IL13RA2: variants seen among roughly 807,000 people sequenced by gnomAD.
The protein encoded by IL13RA2 is interleukin 13 receptor subunit alpha 2.
A neutral mutation model predicts 34.1 loss-of-function variants in IL13RA2; 25 were observed. The ratio of observed to expected loss-of-function variants is 0.73; its 90% confidence interval spans 0.53 to 1.03. The LOEUF (loss-of-function observed/expected upper bound fraction) is 1.03. IL13RA2 is among the 50% of genes least tolerant of loss of function. The pLI, the probability that IL13RA2 is intolerant of heterozygous loss-of-function variation, is 0.00. For synonymous variants in IL13RA2, 106 were observed against 100.4 expected (o/e 1.06, Z -0.33); for missense variants, 297 against 280.9 (o/e 1.06, Z -0.41).
rs1220653558 is a variant in IL13RA2 at position 115,004,800 on chromosome X, C to T, written c.1116+397G>A. On this transcript the variant is annotated intron_variant, in intron 9 of 9. Coordinates refer to ENST00000243213, the MANE Select transcript of IL13RA2 (RefSeq NM_000640.3). ...TGAGTGTGTGCTCCAAAGGCAGGCA[C>T]CATGCTTTATCATTTGCATGTGTTC... Among the ~76,000 whole-genome samples, 3 of 112,064 alleles carry T rather than the reference C, an allele frequency of 2.7e-5. No individual in the cohort carries two copies. In the Admixed American group the frequency reaches 2.8e-4, roughly 11 times the overall value.
chrX:115,017,459 T>A, intron 1 of IL13RA2, 94 bp downstream of exon 1: 1 of 373,216 alleles, frequency 2.7e-6, no homozygotes, highest in Non-Finnish European at 4.6e-6. Context: ...ATAATCAAGT[T>A]AGGAACCAAT....
At position 115,013,789 on chromosome X, in the gene IL13RA2, G is replaced by C; in HGVS notation, c.501C>G (p.Thr167=). 9.5e-7 allele frequency: 1 copy of C among 1,051,169 alleles called. No homozygotes were observed. Among genetic ancestry groups the C allele is most frequent in the South Asian group, 2.0e-5 (1 of 50,478 alleles). 86.6% of individuals were successfully genotyped at this position (1,051,169 alleles called of 1,213,427 possible). A position where few individuals can be genotyped will look rare whatever the true frequency, so the allele number is the denominator to read the frequency against. ...WKPGIGVLLD[T]NYNLFYWYEG... ...CTTACCAGTAAAACAAGTTGTAATT[G>C]GTATCAAGAAGTACACCTATGCCAG... is the stretch of plus-strand genomic sequence containing the variant. The change falls in exon 5 of 10, where the codon ACC becomes ACG. Residue 167 remains threonine (T), a synonymous_variant. Transcript: ENST00000243213.
intron 4 of IL13RA2, 109 bp downstream of exon 4, chrX:115,014,312 C>T (rs1436778853): frequency 1.8e-6 from 1 of 564,204 alleles, no homozygotes; most frequent in East Asian, 3.4e-5. Context: ...TTGTGCCACA[C>T]TGTCACAGGA....
chrX:115,014,985 A>G (rs17095925), intron 3 of IL13RA2, among the ~76,000 whole-genome samples: 16,299 of 111,029 alleles, frequency 0.15, 946 homozygotes, highest in African/African-American at 0.18. Context: ...AGTAACCAGA[A>G]AAATACAGAC....
intron 4 of IL13RA2, 62 bp downstream of exon 4, chrX:115,014,359 G>T: frequency 1.2e-6 from 1 of 859,698 alleles, no homozygotes; most frequent in Non-Finnish European, 1.7e-6. Context: ...AAGATTAAGG[G>T]ACTTATTCCC....
Position 115,013,817 on chromosome X carries a change from T to C in IL13RA2, c.473A>G (p.Lys158Arg). ...YNWQYLLCSW[K>R]PGIGVLLDTN... is the part of the protein sequence containing the mutation. ...ATCAAGAAGTACACCTATGCCAGGT[T>C]TCCAAGAACAGAGTAAATATTGCCA... is the stretch of plus-strand genomic sequence containing the variant. Residue 158 changes from lysine (K) to arginine (R), a missense_variant, in exon 5 of 10, where the codon AAA (lysine) becomes AGA (arginine). Transcript: ENST00000243213. 2 of 1,044,441 alleles carry C rather than the reference T, an allele frequency of 1.9e-6. No individual in the cohort carries two copies. Among genetic ancestry groups the C allele is most frequent in the East Asian group, 6.1e-5 (2 of 32,862 alleles). 86.1% of individuals were successfully genotyped at this position (1,044,441 alleles called of 1,213,427 possible).
At chrX:115,010,419 T>C (rs17095031) in intron 6 of IL13RA2, among the ~76,000 whole-genome samples, 11,567 of 111,547 alleles carry the variant, frequency 0.1, 547 homozygotes, top group Middle Eastern at 0.17. Context: ...CTTTAACCTT[T>C]ATTAAATTTC....
chrX:115,005,062 T>C, intron 9 of IL13RA2, 135 bp downstream of exon 9: 1 of 446,403 alleles, frequency 2.2e-6, no homozygotes, highest in Non-Finnish European at 4.0e-6. Context: ...GATAACATCA[T>C]AATCCATACG....
chrX:115,007,380 C>T (rs1337725070), intron 8 of IL13RA2, among the ~76,000 whole-genome samples: 2 of 112,215 alleles, frequency 1.8e-5, no homozygotes, highest in African/African-American at 6.5e-5. Flanking sequence ...AAAGCTAATA[C>T]ATTGTGAAGC....
intron 8 of IL13RA2, among the ~76,000 whole-genome samples, chrX:115,006,603 A>G (rs2071686289): frequency 1.8e-5 from 2 of 111,068 alleles, no homozygotes; most frequent in Non-Finnish European, 3.8e-5. Context: ...GAATCGCTTG[A>G]ACCCAAGAGG....
At chrX:115,008,529 A>G (rs1025739199) in intron 7 of IL13RA2, among the ~76,000 whole-genome samples, 5 of 111,518 alleles carry the variant, frequency 4.5e-5, no homozygotes, top group African/African-American at 1.6e-4. Context: ...TTTTTTCCTT[A>G]TGCTTATTTC....
At chrX:115,009,417 T>C (rs782120800) in intron 7 of IL13RA2, 104 bp downstream of exon 7, 22 of 595,358 alleles carry the variant, frequency 3.7e-5, no homozygotes, top group Non-Finnish European at 5.7e-5. Flanking sequence ...ATATATGTCA[T>C]GTTCTGTCCC....
Position 115,017,196 on chromosome X carries a change from G to T in IL13RA2, c.74C>A (p.Ser25Tyr). Reference sequence around the variant, plus strand: ...TTTACCTTTTATCTCGGTGTCTGAAGATGAAGTACAGCCAAATGTTGTGCT... The same window carrying T: ...TTTACCTTTTATCTCGGTGTCTGAATATGAAGTACAGCCAAATGTTGTGCT... Reference protein sequence around the residue: ...LISTTFGCTSSSDTEIKVNPP... With the variant: ...LISTTFGCTSYSDTEIKVNPP... The change falls in exon 2 of 10, where the codon TCT becomes TAT. Residue 25 changes from serine (S) to tyrosine (Y), a missense_variant. By Grantham distance (144) the Ser-to-Tyr change is moderately radical. Coordinates refer to ENST00000243213, the MANE Select transcript of IL13RA2 (RefSeq NM_000640.3). 1.1e-6 allele frequency: 1 copy of T among 894,376 alleles called. No homozygotes were observed. Among genetic ancestry groups the T allele is most frequent in the Non-Finnish European group, 1.6e-6 (1 of 609,898 alleles). 73.7% of individuals were successfully genotyped at this position (894,376 alleles called of 1,213,427 possible). A position where few individuals can be genotyped will look rare whatever the true frequency, so the allele number is the denominator to read the frequency against.
chrX:115,013,620 A>G (rs2071714906), intron 5 of IL13RA2, 149 bp downstream of exon 5: 1 of 425,927 alleles, frequency 2.3e-6, no homozygotes, highest in African/African-American at 2.6e-5. Context: ...CCCATTGAAA[A>G]CCTCAAATAA....
At chrX:115,006,502 G>A (rs2071685684) in intron 8 of IL13RA2, among the ~76,000 whole-genome samples, 1 of 110,902 alleles carries the variant, frequency 9.0e-6, no homozygotes, top group Admixed American at 9.7e-5. Flanking sequence ...AGCCGACACG[G>A]TGAAACTCTG....
chrX:115,013,988 T>C, intron 4 of IL13RA2, 99 bp from the exon 5 acceptor site: 1 of 597,866 alleles, frequency 1.7e-6, no homozygotes, highest in Non-Finnish European at 2.8e-6. Flanking sequence ...ACCTCTCCAT[T>C]TTATTTTGCA....
chrX:115,016,591 A>G (rs2071728411), intron 2 of IL13RA2, among the ~76,000 whole-genome samples: 2 of 107,029 alleles, frequency 1.9e-5, no homozygotes, highest in Admixed American at 1.0e-4. Context: ...ATAACAAATA[A>G]TAACTAACAT....
chrX:115,006,964 T>G (rs2147584643), intron 8 of IL13RA2, among the ~76,000 whole-genome samples: 1 of 111,944 alleles, frequency 8.9e-6, no homozygotes, highest in South Asian at 3.7e-4. Flanking sequence ...TCCACTGTCT[T>G]GCTATTTTTT....
chrX:115,015,418 T>G (rs1359310175), intron 3 of IL13RA2, among the ~76,000 whole-genome samples: 1 of 111,723 alleles, frequency 9.0e-6, no homozygotes, highest in Non-Finnish European at 1.9e-5. Flanking sequence ...GCTCTTCAAG[T>G]TCATATTGCA....
Sources: allele counts gnomAD v4.1 joint callset (sites outside exome capture counted in the v4.1 genomes callset), GRCh38; gene constraint gnomAD v4.1.1; transcripts MANE v1.5; gene names NCBI Gene and HGNC (gene_info 2026-07-23, HGNC 2026-07-21).